UTRN: variants seen among roughly 807,000 people sequenced by gnomAD.
UTRN encodes the protein utrophin.
In UTRN, 283 loss-of-function variants were observed where a neutral mutation model predicts 463.9. The ratio of observed to expected loss-of-function variants is 0.61; its 90% CI spans 0.55 to 0.67. The LOEUF is 0.67. Ranked by LOEUF, UTRN falls within the 30% of genes least tolerant of loss-of-function variation. The probability of loss-of-function intolerance (pLI) is 0.00; values close to 1 mark genes in which losing one functional copy is unlikely to be tolerated. For missense variants in UTRN, 3,922 were observed against 4,084.3 expected (o/e 0.96, Z 1.08); for synonymous variants, 1,442 against 1,431.5 (o/e 1.01, Z -0.17).
intron 32 of UTRN, among the ~76,000 whole-genome samples, chr6:144,492,238 T>C (rs1793141094): frequency 6.6e-6 from 1 of 152,206 alleles, no homozygotes; most frequent in Non-Finnish European, 1.5e-5. Flanking sequence ...TGTGTGCCCA[T>C]TGTTTAACTC....
intron 2 of UTRN, among the ~76,000 whole-genome samples, chr6:144,328,351 T>C (rs1776110219): frequency 6.6e-6 from 1 of 152,154 alleles, no homozygotes; most frequent in Non-Finnish European, 1.5e-5. Context: ...AGAGAGGTGA[T>C]GAAACAAAGG....
intron 56 of UTRN, among the ~76,000 whole-genome samples, chr6:144,753,169 A>T (rs984918710): frequency 3.9e-5 from 6 of 152,226 alleles, no homozygotes; most frequent in African/African-American, 1.4e-4. Flanking sequence ...TGTCCCTCTA[A>T]GTGGAACAGT....
At chr6:144,374,947 A>T (rs894453511) in intron 2 of UTRN, among the ~76,000 whole-genome samples, 2 of 144,960 alleles carry the variant, frequency 1.4e-5, no homozygotes, top group African/African-American at 5.0e-5. Context: ...CTCCATCTCA[A>T]AAAAAAAAAA....
intron 51 of UTRN, among the ~76,000 whole-genome samples, chr6:144,658,541 T>C (rs1376780476): frequency 1.3e-5 from 2 of 150,396 alleles, no homozygotes; most frequent in South Asian, 2.1e-4. Context: ...TTTTAGGGGT[T>C]CCCCCCCCCA....
At chr6:144,850,845 G>C in intron 74 of UTRN, 144 bp from the exon 75 acceptor site, 1 of 1,027,946 alleles carries the variant, frequency 9.7e-7, no homozygotes, top group South Asian at 1.3e-5. Context: ...ATGAGAGGGA[G>C]GGACCTCATT....
At chr6:144,530,909 G>A (rs185125281) in intron 41 of UTRN, 143 bp from the exon 42 acceptor site, 4 of 849,262 alleles carry the variant, frequency 4.7e-6, no homozygotes, top group Non-Finnish European at 7.2e-6. Context: ...TACGAAAATT[G>A]GTTTTGTGGA....
chr6:144,589,954 C>T (rs903973302), intron 51 of UTRN, among the ~76,000 whole-genome samples: 3 of 151,778 alleles, frequency 2.0e-5, no homozygotes, highest in Non-Finnish European at 4.4e-5. Flanking sequence ...TGGGCTCAAG[C>T]TATCCTCCCG....
At chr6:144,772,590 T>C (rs1794196201) in intron 59 of UTRN, among the ~76,000 whole-genome samples, 1 of 152,172 alleles carries the variant, frequency 6.6e-6, no homozygotes, top group Non-Finnish European at 1.5e-5. Context: ...GCAAAAAATA[T>C]ATATAGATAT....
intron 2 of UTRN, among the ~76,000 whole-genome samples, chr6:144,380,475 C>T (rs7753308): frequency 0.087 from 13,174 of 151,968 alleles, 1,203 homozygotes; most frequent in African/African-American, 0.23. Flanking sequence ...AAAATATCCC[C>T]TCCCAAAATA....
chr6:144,309,799 C>T (rs185766532), intron 2 of UTRN, among the ~76,000 whole-genome samples: 54 of 152,274 alleles, frequency 3.5e-4, no homozygotes, highest in Non-Finnish European at 2.8e-4. Context: ...GTAATAAACG[C>T]GAAAGACCTT....
intron 2 of UTRN, among the ~76,000 whole-genome samples, chr6:144,389,660 A>C (rs1446469606): frequency 6.6e-6 from 1 of 151,350 alleles, no homozygotes; most frequent in African/African-American, 2.4e-5. Flanking sequence ...GTGCAGTGGC[A>C]TGATCTCGGC....
In UTRN at chr6:144,286,599, G is replaced by A. The variant is rs1159269872; in HGVS notation, c.-93+778G>A. ...AATTCATGCCCCGCTTTGGCCCGGG[G>A]TCCGAGGCTGTGGTTGCTCAAGGCC... On this transcript the variant is annotated intron_variant, in intron 1 of 74. Coordinates refer to ENST00000367545, the MANE Select transcript of UTRN (RefSeq NM_007124.3). This position sits in a 1 kb window ranked among gnomAD's most constrained non-coding sequence, Gnocchi z 4.4. Among the ~76,000 whole-genome samples the A allele has an allele frequency of 1.3e-5, 2 of 152,130 alleles. No individual in the cohort carries two copies. The highest frequency in any genetic ancestry group is 2.9e-5 in the Non-Finnish European group (2 of 68,018).
rs1775858745 is a variant in UTRN at position 144,324,531 on chromosome 6, AAG to A, written c.79+32625_79+32626del. ...TGTAAAAAGTCTGGGTTTGGCCATA[AAG>A]TATTTAGCAAGACTACCTTTTGGAA... On this transcript the variant is annotated intron_variant, in intron 2 of 74. Coordinates refer to ENST00000367545, the MANE Select transcript of UTRN (RefSeq NM_007124.3). Among the ~76,000 whole-genome samples the A allele has an allele frequency of 2.0e-5, 3 of 152,316 alleles. No homozygotes were observed. In the East Asian group the frequency reaches 5.8e-4, roughly 29 times the overall value.
intron 57 of UTRN, among the ~76,000 whole-genome samples, chr6:144,755,949 C>T (rs1244824478): frequency 6.6e-6 from 1 of 152,056 alleles, no homozygotes. Flanking sequence ...TCCTGCCCTA[C>T]ACCTCTCTAC....
At chr6:144,530,360 T>A (rs902778482) in intron 41 of UTRN, among the ~76,000 whole-genome samples, 4 of 152,184 alleles carry the variant, frequency 2.6e-5, no homozygotes, top group Non-Finnish European at 5.9e-5. Context: ...GCCCCACACT[T>A]ATGACCTCAT....
intron 62 of UTRN, among the ~76,000 whole-genome samples, chr6:144,790,950 G>T (rs1183151925): frequency 3.3e-5 from 5 of 152,242 alleles, no homozygotes; most frequent in African/African-American, 1.2e-4. Context: ...TCAGATTTTG[G>T]CAGGGGAAGC....
chr6:144,467,370 G>C (rs571049181), intron 23 of UTRN, among the ~76,000 whole-genome samples: 1 of 152,316 alleles, frequency 6.6e-6, no homozygotes, highest in South Asian at 2.1e-4. Context: ...TTATTATGGT[G>C]AGAAATGTGT....
intron 51 of UTRN, among the ~76,000 whole-genome samples, chr6:144,591,035 T>C (rs1380171232): frequency 6.6e-6 from 1 of 152,188 alleles, no homozygotes; most frequent in Non-Finnish European, 1.5e-5. Flanking sequence ...CCACCTTGAT[T>C]GAGTGTGGAT....
intron 57 of UTRN, among the ~76,000 whole-genome samples, chr6:144,756,868 A>G (rs1375079916): frequency 1.3e-5 from 2 of 152,078 alleles, no homozygotes; most frequent in Non-Finnish European, 2.9e-5. Flanking sequence ...TGGGCAAGTT[A>G]TTTTATCTCT....
Sources: allele counts gnomAD v4.1 joint callset (sites outside exome capture counted in the v4.1 genomes callset), GRCh38; gene constraint gnomAD v4.1.1; non-coding constraint Gnocchi (gnomAD v3.1); transcripts MANE v1.5; gene names NCBI Gene and HGNC (gene_info 2026-07-23, HGNC 2026-07-21).